LRBA: variants seen among roughly 807,000 people sequenced by gnomAD.
The protein encoded by LRBA is LPS responsive beige-like anchor protein, also known as lipopolysaccharide-responsive and beige-like anchor protein.
Under a neutral mutation model 330.0 loss-of-function variants are expected in LRBA, and 176 were observed. The ratio of observed to expected loss-of-function variants is 0.53; its 90% CI spans 0.47 to 0.60. LRBA has a LOEUF of 0.60. Ranked by LOEUF, LRBA falls within the 20% of genes least tolerant of loss-of-function variation. The pLI, the probability that LRBA is intolerant of heterozygous loss-of-function variation, is 0.00. For synonymous variants in LRBA, 1,230 were observed against 1,193.0 expected (o/e 1.03, Z -0.64); for missense variants, 3,259 against 3,444.8 (o/e 0.95, Z 1.35).
Position 150,908,415 on chromosome 4 carries a change from C to A in LRBA, c.1412G>T (p.Gly471Val), listed in dbSNP as rs770587369. ...HSIQSAMHSI[G>V]GVQVLFPLFA... The stretch of plus-strand genomic sequence containing the variant: ...AAGTGGAAATAGTACTTGTACTCCT[C>A]CAATTGAATGCATTGCACTTTGGAT... Residue 471 changes from glycine to valine, a missense_variant, in exon 11 of 57, where the codon GGA becomes GTA. Transcript: ENST00000651943. 1 of 1,609,864 alleles carries A rather than the reference C, an allele frequency of 6.2e-7. No individual in the cohort carries two copies. Among genetic ancestry groups the A allele is most frequent in the Non-Finnish European group, 8.5e-7 (1 of 1,179,036 alleles).
chr4:150,606,100 T>C (rs1020259451), intron 37 of LRBA, among the ~76,000 whole-genome samples: 40 of 152,168 alleles, frequency 2.6e-4, no homozygotes, highest in African/African-American at 9.4e-4. Context: ...CATCTAGATA[T>C]CCATCTTCAA....
At chr4:150,914,470 C>A in intron 8 of LRBA, 129 bp from the exon 9 acceptor site, 1 of 552,546 alleles carries the variant, frequency 1.8e-6, no homozygotes. Flanking sequence ...TAATTTATAC[C>A]ATAAAACCAT....
At chr4:150,917,084 C>T (rs532537619) in intron 5 of LRBA, among the ~76,000 whole-genome samples, 59 of 151,444 alleles carry the variant, frequency 3.9e-4, no homozygotes, top group Non-Finnish European at 6.2e-4. Flanking sequence ...ACCCAGGAGG[C>T]AGAGTTTGCA....
intron 35 of LRBA, among the ~76,000 whole-genome samples, chr4:150,742,430 G>A (rs1732136279): frequency 6.6e-6 from 1 of 151,972 alleles, no homozygotes; most frequent in Admixed American, 6.6e-5. Context: ...TTATGGGCAT[G>A]AACATACATG....
intron 37 of LRBA, among the ~76,000 whole-genome samples, chr4:150,608,324 C>T (rs1226069684): frequency 6.6e-6 from 1 of 152,008 alleles, no homozygotes; most frequent in Non-Finnish European, 1.5e-5. Context: ...TTTTGCTAGA[C>T]CCAGAGAAGA....
intron 37 of LRBA, among the ~76,000 whole-genome samples, chr4:150,611,275 T>C (rs1775231963): frequency 6.6e-6 from 1 of 152,218 alleles, no homozygotes; most frequent in Admixed American, 6.5e-5. Context: ...TGTGATCTCA[T>C]TTAATTCTCA....
intron 37 of LRBA, among the ~76,000 whole-genome samples, chr4:150,608,867 T>C (rs1050354512): frequency 4.6e-5 from 7 of 152,248 alleles, no homozygotes; most frequent in African/African-American, 1.7e-4. Flanking sequence ...TGTAGAATTG[T>C]GTGACTGGCT....
At chr4:150,519,752 T>C (rs1210513250) in intron 40 of LRBA, among the ~76,000 whole-genome samples, 1 of 152,186 alleles carries the variant, frequency 6.6e-6, no homozygotes, top group African/African-American at 2.4e-5. Flanking sequence ...GGTGGTATGT[T>C]TAAGTTTTGA....
chr4:150,272,701 A>C (rs918372439), intron 56 of LRBA, among the ~76,000 whole-genome samples: 2 of 151,918 alleles, frequency 1.3e-5, no homozygotes, highest in African/African-American at 4.8e-5. Context: ...GATCAAGCAG[A>C]AGAAAGGATA....
chr4:150,546,577 T>G (rs1031557258), intron 40 of LRBA, among the ~76,000 whole-genome samples: 1 of 152,200 alleles, frequency 6.6e-6, no homozygotes, highest in African/African-American at 2.4e-5. Flanking sequence ...TTCTGTGGAT[T>G]TACAAAAATA....
rs2275936 is a variant in LRBA at position 150,844,610 on chromosome 4, G to A, written c.4461+48C>T. On this transcript the variant is annotated intron_variant, in intron 27 of 56. Coordinates refer to ENST00000651943, the MANE Select transcript of LRBA (RefSeq NM_001364905.1). ...AAATGAACAAATAAAAATCTTAATTGTAAAATAGGAGTATGCTTTTTGAAA... is the reference window on the plus strand; with the variant it reads ...AAATGAACAAATAAAAATCTTAATTATAAAATAGGAGTATGCTTTTTGAAA... 2.1e-4 allele frequency: 321 copies of A among 1,514,164 alleles called. 2 individuals carry two copies. The East Asian group carries it at 6.6e-3, about 31-fold the overall frequency. The allele number at this position is 1,514,164 out of a possible 1,614,324, so 93.8% of individuals were successfully genotyped here. A position where few individuals can be genotyped will look rare whatever the true frequency, so the allele number is the denominator to read the frequency against.
At chr4:150,775,481 ACACACACACACACACACAC>A (rs1560800111) in intron 34 of LRBA, among the ~76,000 whole-genome samples, 9 of 151,194 alleles carry the variant, frequency 6.0e-5, no homozygotes, top group Admixed American at 4.0e-4. Context: ...ACACACACAC[ACACACACACACACACACAC>A]ACAGTGATTG....
chr4:150,533,291 C>T (rs1408759451), intron 40 of LRBA, among the ~76,000 whole-genome samples: 3 of 152,048 alleles, frequency 2.0e-5, no homozygotes, highest in African/African-American at 7.2e-5. Context: ...AGCAATCCTC[C>T]CATCTTAGCC....
rs1348888475 is a variant in LRBA, at chr4:150,806,409, G to A, written c.5385-5C>T. 1.3e-6 allele frequency: 2 copies of A among 1,576,188 alleles called. No homozygotes were observed. Among genetic ancestry groups the A allele is most frequent in the African/African-American group, 2.8e-5 (2 of 72,396 alleles). ...TGTTCAAGCCTCTCTGTAATACTAA[G>A]GAAAAGACATTAAGTTACTTGAACT... On this transcript the variant is annotated splice_polypyrimidine_tract_variant and splice_region_variant and intron_variant, in intron 32 of 56. Coordinates refer to ENST00000651943, the MANE Select transcript of LRBA (RefSeq NM_001364905.1).
intron 52 of LRBA, 57 bp downstream of exon 52, chr4:150,310,172 C>T (rs1442669711): frequency 7.4e-6 from 9 of 1,215,390 alleles, no homozygotes; most frequent in African/African-American, 1.5e-5. Flanking sequence ...GCATCCTAAG[C>T]CTCTCAATAC....
chr4:150,370,175 A>G (rs941291701), intron 47 of LRBA, among the ~76,000 whole-genome samples: 2 of 152,134 alleles, frequency 1.3e-5, no homozygotes, highest in African/African-American at 2.4e-5. Flanking sequence ...TAGCAGTTGC[A>G]CTCTTTGGTA....
In LRBA at chr4:150,982,661, T is replaced by C. The variant is rs771002053; in HGVS notation, c.216+31766A>G. Among the ~76,000 whole-genome samples, 8 of 151,382 alleles carry C rather than the reference T, an allele frequency of 5.3e-5. 1 individual carries two copies. Among genetic ancestry groups the C allele is most frequent in the Non-Finnish European group, 7.4e-5 (5 of 67,918 alleles). On this transcript the variant is annotated intron_variant, in intron 2 of 56. Transcript: ENST00000651943. Reference sequence around the variant, plus strand: ...ACCAGTTTCTCTTGTAATTTGCATTTTTTACCACCACATTTCCCCTTCTGG... The same window carrying C: ...ACCAGTTTCTCTTGTAATTTGCATTCTTTACCACCACATTTCCCCTTCTGG...
At chr4:150,309,116 A>G (rs1257218434) in intron 52 of LRBA, among the ~76,000 whole-genome samples, 1 of 151,996 alleles carries the variant, frequency 6.6e-6, no homozygotes, top group Admixed American at 6.6e-5. Flanking sequence ...TATTATTATT[A>G]TTTTTTACTT....
intron 39 of LRBA, among the ~76,000 whole-genome samples, chr4:150,589,977 G>A (rs1029912137): frequency 4.6e-5 from 7 of 152,074 alleles, no homozygotes; most frequent in African/African-American, 1.7e-4. Context: ...ACAGGTTGCA[G>A]ATATGTCACC....
Sources: allele counts gnomAD v4.1 joint callset (sites outside exome capture counted in the v4.1 genomes callset), GRCh38; gene constraint gnomAD v4.1.1; transcripts MANE v1.5; gene names NCBI Gene and HGNC (gene_info 2026-07-23, HGNC 2026-07-21).